Variants in TXNDC9 observed in about 807,000 individuals in gnomAD.
TXNDC9 encodes the protein thioredoxin domain-containing protein 9.
TXNDC9 carries 7 observed loss-of-function variants against 23.0 expected under a neutral mutation model. The observed-to-expected ratio is 0.30, with a 90% confidence interval of 0.17 to 0.57. The LOEUF (loss-of-function observed/expected upper bound fraction) is 0.57. Among genes scored for constraint, TXNDC9 ranks in the 20% least tolerant of loss-of-function variants. The pLI is 0.90. For synonymous variants in TXNDC9, 72 were observed against 90.6 expected, an observed-to-expected ratio of 0.79 and a Z score of 1.17; for missense variants, 198 against 252.6, an observed-to-expected ratio of 0.78 and a Z score of 1.47.
At chr2:99,316,117 CTTTTT>C (rs57142545), downstream of TXNDC9, among the ~76,000 whole-genome samples, 7 of 135,982 alleles carry the variant, frequency 5.1e-5, 1 homozygote, top group Admixed American at 1.5e-4. Context: ...ATTTCTTTTT[CTTTTT>C]TTTTTTTTTT....
chr2:99,309,781 G>A, the TXNDC9 span, among the ~76,000 whole-genome samples: 1 of 152,146 alleles, frequency 6.6e-6, no homozygotes, highest in Non-Finnish European at 1.5e-5. Flanking sequence ...CTACCTCCCA[G>A]GTTCAAGCGA....
At chr2:99,331,318 G>A (rs2094224839) in intron 2 of TXNDC9, among the ~76,000 whole-genome samples, 1 of 152,046 alleles carries the variant, frequency 6.6e-6, no homozygotes, top group Non-Finnish European at 1.5e-5. Flanking sequence ...GCTCACACCT[G>A]TAATCCCAGC....
the TXNDC9 span, among the ~76,000 whole-genome samples, chr2:99,309,761 A>G: frequency 1.2e-4 from 19 of 152,174 alleles, 2 homozygotes; most frequent in East Asian, 3.7e-3. Flanking sequence ...ATCTCAGCTC[A>G]CTGCAACTTC....
downstream of TXNDC9, among the ~76,000 whole-genome samples, chr2:99,314,696 A>G (rs1272216539): frequency 4.0e-5 from 6 of 150,554 alleles, no homozygotes; most frequent in Admixed American, 4.0e-4. Context: ...ACGCCCAGCT[A>G]ATTTTTGTGT....
the TXNDC9 span, among the ~76,000 whole-genome samples, chr2:99,313,344 A>C: frequency 6.6e-6 from 1 of 152,212 alleles, no homozygotes; most frequent in African/African-American, 2.4e-5. Flanking sequence ...TGCTAAGATT[A>C]CTGGTAATCA....
chr2:99,307,155 C>A, the TXNDC9 span, among the ~76,000 whole-genome samples: 2 of 138,046 alleles, frequency 1.4e-5, no homozygotes, highest in Non-Finnish European at 3.2e-5. Flanking sequence ...GTTTTCTTAC[C>A]TAACCCACAT....
At chr2:99,317,001 C>T (rs1428331771), downstream of TXNDC9, among the ~76,000 whole-genome samples, 1 of 152,196 alleles carries the variant, frequency 6.6e-6, no homozygotes, top group African/African-American at 2.4e-5. Flanking sequence ...CGTGATCCGC[C>T]CGCCTTGGCC....
At chr2:99,307,083 CCCTTCTCACTCTCTCTCT>C in the TXNDC9 span, among the ~76,000 whole-genome samples, 86 of 134,666 alleles carry the variant, frequency 6.4e-4, no homozygotes, top group Admixed American at 2.6e-3. Context: ...TCCTCCCTTC[CCCTTCTCACTCTCTCTCT>C]CCTTCTCACT....
At chr2:99,330,843 A>G (rs1175964811) in intron 2 of TXNDC9, among the ~76,000 whole-genome samples, 1 of 152,270 alleles carries the variant, frequency 6.6e-6, no homozygotes, top group African/African-American at 2.4e-5. Flanking sequence ...ATATCTATAC[A>G]AATCACTAGG....
At chr2:99,311,479 T>TG in the TXNDC9 span, among the ~76,000 whole-genome samples, 1 of 151,626 alleles carries the variant, frequency 6.6e-6, no homozygotes, top group Non-Finnish European at 1.5e-5. Flanking sequence ...GTAGAGATGG[T>TG]GGGGGAGGGG....
downstream of TXNDC9, among the ~76,000 whole-genome samples, chr2:99,318,426 G>A (rs141400575): frequency 1.1e-3 from 161 of 152,146 alleles, no homozygotes; most frequent in Non-Finnish European, 1.8e-3. Flanking sequence ...CACCCACCTC[G>A]GCCTCCCAAA....
intron 4 of TXNDC9, among the ~76,000 whole-genome samples, chr2:99,320,889 G>T (rs760294609): frequency 2.6e-4 from 39 of 152,170 alleles, no homozygotes; most frequent in Middle Eastern, 6.8e-3. Flanking sequence ...GTACTAGTCT[G>T]CAGGGGGTTG....
At chr2:99,333,590 T>C (rs773024757) in intron 1 of TXNDC9, among the ~76,000 whole-genome samples, 3 of 152,212 alleles carry the variant, frequency 2.0e-5, no homozygotes, top group Non-Finnish European at 4.4e-5. Context: ...ACAATCAGTG[T>C]TCTTTACCAA....
At chr2:99,325,733 G>A (rs1055970327) in intron 3 of TXNDC9, among the ~76,000 whole-genome samples, 7 of 152,120 alleles carry the variant, frequency 4.6e-5, no homozygotes, top group Admixed American at 1.3e-4. Context: ...AAGTGAGGCC[G>A]GGTGCCGTGG....
Position 99,322,018 on chromosome 2 carries a change from G to A in TXNDC9, c.500C>T (p.Thr167Ile). The A allele has an allele frequency of 6.2e-7, 1 of 1,614,124 alleles. No homozygotes were observed. Among genetic ancestry groups the A allele is most frequent in the Non-Finnish European group, 8.5e-7 (1 of 1,180,000 alleles). The change falls in exon 4 of 5, where the codon ACA (threonine) becomes ATA (isoleucine). Residue 167 changes from threonine (T) to isoleucine (I), a missense_variant. By Grantham distance (89) the Thr-to-Ile change is moderately conservative (BLOSUM62 -1). Coordinates refer to ENST00000264255, the MANE Select transcript of TXNDC9 (RefSeq NM_005783.4). ...TAAAGTTTCTGTGGTGAAGTCATCTGTATTTCCTAGGTCAGTAAACCCAAC... is the reference window on the plus strand; with the variant it reads ...TAAAGTTTCTGTGGTGAAGTCATCTATATTTCCTAGGTCAGTAAACCCAAC... ...YVVGFTDLGN[T>I]DDFTTETLEW...
At chr2:99,312,862 G>A in the TXNDC9 span, among the ~76,000 whole-genome samples, 1 of 152,080 alleles carries the variant, frequency 6.6e-6, no homozygotes, top group African/African-American at 2.4e-5. Flanking sequence ...TATAATTAAT[G>A]GTAAAAACTG....
At chr2:99,328,986 TAAATAA>T (rs2094219139) in intron 2 of TXNDC9, among the ~76,000 whole-genome samples, 1 of 151,830 alleles carries the variant, frequency 6.6e-6, no homozygotes, top group Non-Finnish European at 1.5e-5. Context: ...GTCTCAAAAA[TAAATAA>T]AAATAAAAAT....
chr2:99,325,482 T>A (rs1021451787), intron 3 of TXNDC9, among the ~76,000 whole-genome samples: 1 of 152,218 alleles, frequency 6.6e-6, no homozygotes, highest in Non-Finnish European at 1.5e-5. Context: ...GCCTACTATG[T>A]GCTAGGAACT....
chr2:99,316,347 A>T (rs1298392737), downstream of TXNDC9, among the ~76,000 whole-genome samples: 2 of 151,810 alleles, frequency 1.3e-5, no homozygotes, highest in Non-Finnish European at 1.5e-5. Flanking sequence ...ATTTTTAAAA[A>T]TTTTTTGTAG....
Sources: allele counts gnomAD v4.1 joint callset (sites outside exome capture counted in the v4.1 genomes callset), GRCh38; gene constraint gnomAD v4.1.1; transcripts MANE v1.5; gene names NCBI Gene and HGNC (gene_info 2026-07-23, HGNC 2026-07-21).